CTNNA2: variants seen among roughly 807,000 people sequenced by gnomAD.
CTNNA2 encodes the protein catenin alpha-2.
CTNNA2 carries 42 observed loss-of-function variants against 101.0 expected under a neutral mutation model. That is an observed-to-expected ratio of 0.42 (90% confidence interval 0.32 to 0.54). The LOEUF (loss-of-function observed/expected upper bound fraction) is 0.54. CTNNA2 is among the 20% of genes least tolerant of loss of function. The pLI is 0.14. For synonymous variants in CTNNA2, 450 were observed against 456.4 expected (o/e 0.99, Z 0.18); for missense variants, 871 against 1,223.1 (o/e 0.71, Z 4.29).
intron 9 of CTNNA2, among the ~76,000 whole-genome samples, chr2:80,530,747 A>T (rs980481032): frequency 2.0e-5 from 3 of 152,214 alleles, no homozygotes; most frequent in African/African-American, 7.2e-5. Flanking sequence ...GACAGCAGAT[A>T]TGGAGAACTC....
intron 7 of CTNNA2, among the ~76,000 whole-genome samples, chr2:80,306,169 T>C (rs901911680): frequency 6.6e-6 from 1 of 152,194 alleles, no homozygotes; most frequent in Non-Finnish European, 1.5e-5. Flanking sequence ...TCTGCCCTGG[T>C]CATTCATCTC....
At chr2:79,831,533 T>C (rs1465917046) in intron 3 of CTNNA2, among the ~76,000 whole-genome samples, 1 of 152,156 alleles carries the variant, frequency 6.6e-6, no homozygotes, top group Admixed American at 6.6e-5. Flanking sequence ...CATTGACTCC[T>C]TCCCACAATT....
At chr2:80,292,941 T>C (rs1231213645) in intron 7 of CTNNA2, among the ~76,000 whole-genome samples, 1 of 152,112 alleles carries the variant, frequency 6.6e-6, no homozygotes, top group Non-Finnish European at 1.5e-5. Flanking sequence ...TGAAATAATA[T>C]GCAAAAAAGA....
chr2:80,602,510 G>T (rs1188545316), intron 15 of CTNNA2, among the ~76,000 whole-genome samples: 5 of 152,150 alleles, frequency 3.3e-5, no homozygotes, highest in Non-Finnish European at 7.4e-5. Context: ...AACAAATATT[G>T]TGTCAGAGTA....
chr2:80,239,353 G>A (rs1709719395), intron 7 of CTNNA2, among the ~76,000 whole-genome samples: 1 of 152,126 alleles, frequency 6.6e-6, no homozygotes, highest in South Asian at 2.1e-4. Flanking sequence ...TACGTATCAT[G>A]TGGGGATGTT....
In CTNNA2 at chr2:80,214,735, C is replaced by T. The variant is rs181857141; in HGVS notation, c.1057-178476C>T. On this transcript the variant is annotated intron_variant, in intron 7 of 18. Transcript: ENST00000402739. ...TTTGGTGAATCTGACAATTATGTGT[C>T]TTGGAGTTGCCCTTCTTGAGGAGTA... Among the ~76,000 whole-genome samples, 624 of 152,200 alleles carry T rather than the reference C, an allele frequency of 4.1e-3. 2 individuals are homozygous for T. Among genetic ancestry groups the T allele is most frequent in the Non-Finnish European group, 6.8e-3 (463 of 68,008 alleles).
At chr2:79,672,071 A>G (rs1169767676) in intron 2 of CTNNA2, among the ~76,000 whole-genome samples, 1 of 152,108 alleles carries the variant, frequency 6.6e-6, no homozygotes, top group Non-Finnish European at 1.5e-5. Flanking sequence ...GCTGTGCTTC[A>G]TCTTGGTCAA....
intron 2 of CTNNA2, among the ~76,000 whole-genome samples, chr2:79,288,940 A>C (rs1195958978): frequency 6.6e-6 from 1 of 151,772 alleles, no homozygotes; most frequent in Admixed American, 6.5e-5. Context: ...AACAGAAAAA[A>C]GAAAACAAGT....
rs924427058 is a variant in CTNNA2, at chr2:80,218,216, G to A, written c.1057-174995G>A. ...TAAGTCTGGCTCTACCCAGAGAGAA[G>A]TAAACTGCTTTGGGCTTTGGAAGGC... On this transcript the variant is annotated intron_variant, in intron 7 of 18. Coordinates refer to ENST00000402739, the MANE Select transcript of CTNNA2 (RefSeq NM_001282597.3). Among the ~76,000 whole-genome samples the A allele has an allele frequency of 2.0e-5, 3 of 152,236 alleles. No homozygotes were observed. The East Asian group carries it at 5.8e-4, about 29-fold the overall frequency.
chr2:80,464,542 G>A (rs1684701437), intron 9 of CTNNA2, among the ~76,000 whole-genome samples: 2 of 152,152 alleles, frequency 1.3e-5, no homozygotes, highest in African/African-American at 2.4e-5. Context: ...GGTAGAATGA[G>A]TAGTATCAGG....
chr2:79,448,487 T>G (rs2104524859), intron 4 of CTNNA2, among the ~76,000 whole-genome samples: 1 of 152,172 alleles, frequency 6.6e-6, no homozygotes, highest in African/African-American at 2.4e-5. Context: ...ATAATTCAGG[T>G]AAATACAAGG....
intron 7 of CTNNA2, among the ~76,000 whole-genome samples, chr2:80,350,444 G>T (rs781416808): frequency 6.6e-6 from 1 of 152,154 alleles, no homozygotes; most frequent in African/African-American, 2.4e-5. Context: ...AAATAATTAT[G>T]TAGACATGTC....
chr2:80,064,296 T>C (rs577644175), intron 7 of CTNNA2, among the ~76,000 whole-genome samples: 2 of 152,346 alleles, frequency 1.3e-5, no homozygotes, highest in South Asian at 2.1e-4. Context: ...TCTGACTTAA[T>C]TTCTCTGAGG....
chr2:79,365,672 A>C (rs1475320379), intron 3 of CTNNA2, among the ~76,000 whole-genome samples: 2 of 149,622 alleles, frequency 1.3e-5, no homozygotes, highest in African/African-American at 4.9e-5. Context: ...AGTGGGGGGG[A>C]CATGACAAGA....
At chr2:80,275,714 AAGAGAG>A (rs761577253) in intron 7 of CTNNA2, among the ~76,000 whole-genome samples, 1 of 150,900 alleles carries the variant, frequency 6.6e-6, no homozygotes, top group Admixed American at 6.6e-5. Flanking sequence ...GAGAGAGAGA[AAGAGAG>A]AGAGAGAGAG....
chr2:79,766,832 C>T (rs988429869), intron 3 of CTNNA2, among the ~76,000 whole-genome samples: 1 of 151,670 alleles, frequency 6.6e-6, no homozygotes, highest in African/African-American at 2.4e-5. Context: ...CTCGGCTCAC[C>T]GCAACCTCCA....
At chr2:80,372,818 G>A (rs903213942) in intron 7 of CTNNA2, among the ~76,000 whole-genome samples, 1 of 152,036 alleles carries the variant, frequency 6.6e-6, no homozygotes, top group Non-Finnish European at 1.5e-5. Flanking sequence ...TCCCAAGTGG[G>A]AAAATTTTGC....
At chr2:79,647,236 C>T (rs187005971) in intron 1 of CTNNA2, among the ~76,000 whole-genome samples, 7 of 152,238 alleles carry the variant, frequency 4.6e-5, no homozygotes, top group Non-Finnish European at 8.8e-5. Context: ...GAGTGTAAAT[C>T]TGGATCTCTA....
chr2:79,780,938 G>T (rs190937520), intron 3 of CTNNA2, among the ~76,000 whole-genome samples: 59 of 152,268 alleles, frequency 3.9e-4, no homozygotes, highest in South Asian at 1.7e-3. Flanking sequence ...AAGTAATAAA[G>T]ATGTCCTAGT....
Sources: allele counts gnomAD v4.1 joint callset (sites outside exome capture counted in the v4.1 genomes callset), GRCh38; gene constraint gnomAD v4.1.1; transcripts MANE v1.5; gene names NCBI Gene and HGNC (gene_info 2026-07-23, HGNC 2026-07-21).